The following RAD9B variants were observed in gnomAD, a reference collection of about 807,000 sequenced individuals.
The protein encoded by RAD9B is cell cycle checkpoint control protein RAD9B.
RAD9B carries 41 observed loss-of-function variants against 48.3 expected under a neutral mutation model. That is an observed-to-expected ratio of 0.85 (90% CI 0.66 to 1.10). The LOEUF (loss-of-function observed/expected upper bound fraction) is 1.10, where lower values mean the gene tolerates loss of function less well. Ranked by LOEUF, RAD9B falls within the 50% of genes least tolerant of loss-of-function variation. RAD9B has a pLI of 0.00. For missense variants in RAD9B, 444 were observed against 485.1 expected (o/e 0.92, Z 0.80); for synonymous variants, 160 against 157.9 (o/e 1.01, Z -0.10).
intron 10 of RAD9B, among the ~76,000 whole-genome samples, chr12:110,530,251 TAGTC>T (rs1344228784): frequency 1.3e-5 from 2 of 152,138 alleles, no homozygotes; most frequent in African/African-American, 4.8e-5. Context: ...TTCACCATGT[TAGTC>T]AGGATGGTCT....
At chr12:110,512,298 A>C (rs1449139050) in intron 4 of RAD9B, among the ~76,000 whole-genome samples, 13 of 151,906 alleles carry the variant, frequency 8.6e-5, no homozygotes. Flanking sequence ...ACAGGCATGC[A>C]CCACCATGCC....
At position 110,530,630 on chromosome 12, in the gene RAD9B, A is replaced by G. The variant is rs1183580234; in HGVS notation, c.1231A>G (p.Asn411Asp). The G allele has an allele frequency of 6.2e-7, 1 of 1,613,956 alleles. No individual in the cohort carries two copies. The highest frequency in any genetic ancestry group is 1.7e-5 in the Admixed American group (1 of 60,026). Reference sequence around the variant, plus strand: ...AAGTGACAGTGAAGAGGACATGAATAATGGCAGTTTCTCTATATTCTAATG... The same window carrying G: ...AAGTGACAGTGAAGAGGACATGAATGATGGCAGTTTCTCTATATTCTAATG... The part of the protein sequence containing the change: ...RASDSEEDMN[N>D]GSFSIF The change falls in exon 11 of 11, where the codon AAT (asparagine) becomes GAT (aspartate). Residue 411 changes from asparagine (N) to aspartate (D), a missense_variant. Physicochemically the swap from Asn to Asp is conservative, Grantham distance 23. Transcript: ENST00000409300.
chr12:110,524,430 C>T (rs968555620), intron 10 of RAD9B, among the ~76,000 whole-genome samples: 3 of 151,878 alleles, frequency 2.0e-5, no homozygotes, highest in Admixed American at 6.6e-5. Flanking sequence ...GGCATGGTGG[C>T]GGGCGCCTGT....
In RAD9B at chr12:110,512,998, C is replaced by CTG. The variant is rs1208266147; in HGVS notation, c.488+124_488+125dup. 7 of 594,324 alleles carry CTG rather than the reference C, an allele frequency of 1.2e-5. No individual in the cohort carries two copies. In the African/African-American group the frequency reaches 1.4e-4, roughly 12 times the overall value. The allele number at this position is 594,324 out of a possible 1,614,324, so 36.8% of individuals were successfully genotyped here. ...TTTTTTTTTTTTATATGGAGTCTCG[C>CTG]TGTGTCGCCCAGGCTGGAGTGCAGT... On this transcript the variant is annotated intron_variant, in intron 5 of 10. Transcript: ENST00000409300.
intron 6 of RAD9B, 70 bp downstream of exon 6, chr12:110,515,226 G>T (rs2063572568): frequency 1.3e-6 from 1 of 753,302 alleles, no homozygotes. Context: ...TAACCATACT[G>T]CAAATATTAG....
intron 10 of RAD9B, among the ~76,000 whole-genome samples, chr12:110,525,890 C>T (rs1236767615): frequency 6.6e-6 from 1 of 152,184 alleles, no homozygotes; most frequent in Non-Finnish European, 1.5e-5. Flanking sequence ...CAGGGTTTCA[C>T]CATCTTGGCC....
chr12:110,523,741 C>A (rs1189729023), intron 10 of RAD9B, among the ~76,000 whole-genome samples: 4 of 152,154 alleles, frequency 2.6e-5, no homozygotes, highest in Non-Finnish European at 5.9e-5. Context: ...CTAAGATTGC[C>A]AGTTTCTTTG....
chr12:110,505,498 C>T, intron 2 of RAD9B, 119 bp from the exon 3 acceptor site: 1 of 769,978 alleles, frequency 1.3e-6, no homozygotes, highest in Non-Finnish European at 1.9e-6. Context: ...CCAGGCTGGT[C>T]TCAGACTCCT....
At chr12:110,513,159 G>C (rs112181803) in intron 5 of RAD9B, among the ~76,000 whole-genome samples, 1 of 151,798 alleles carries the variant, frequency 6.6e-6, no homozygotes, top group African/African-American at 2.4e-5. Context: ...ATAGAGACGG[G>C]GGGTTTTACC....
At position 110,530,626 on chromosome 12, in the gene RAD9B, G is replaced by A; in HGVS notation, c.1227G>A (p.Met409Ile). The A allele has an allele frequency of 6.2e-7, 1 of 1,613,962 alleles. No individual in the cohort carries two copies. The highest frequency in any genetic ancestry group is 8.5e-7 in the Non-Finnish European group (1 of 1,179,860). Residue 409 changes from methionine to isoleucine, a missense_variant, in exon 11 of 11, where the codon ATG becomes ATA. By Grantham distance (10) the Met-to-Ile change is conservative (BLOSUM62 1). Transcript: ENST00000409300. ...GAGCAAGTGACAGTGAAGAGGACATGAATAATGGCAGTTTCTCTATATTCT... is the reference window on the plus strand; with the variant it reads ...GAGCAAGTGACAGTGAAGAGGACATAAATAATGGCAGTTTCTCTATATTCT... ...LARASDSEED[M>I]NNGSFSIF
At chr12:110,520,514 T>TA (rs1355307802) in intron 9 of RAD9B, among the ~76,000 whole-genome samples, 2 of 151,246 alleles carry the variant, frequency 1.3e-5, no homozygotes, top group Non-Finnish European at 3.0e-5. Context: ...ATCGGGCCTT[T>TA]AGTTTTTTTT....
At chr12:110,521,905 A>C (rs1354414508) in intron 9 of RAD9B, among the ~76,000 whole-genome samples, 1 of 152,120 alleles carries the variant, frequency 6.6e-6, no homozygotes, top group Non-Finnish European at 1.5e-5. Context: ...ATAGATGTAT[A>C]GTAATTTACT....
Position 110,503,895 on chromosome 12 carries a change from A to G in RAD9B, c.117+19A>G. On this transcript the variant is annotated intron_variant, in intron 2 of 10. Transcript: ENST00000409300. ...AAAAGGTGTAAGTAAGAAAGTTAACAGATCACGTATCAAGGCAAGAGGAGA... is the reference window on the plus strand; with the variant it reads ...AAAAGGTGTAAGTAAGAAAGTTAACGGATCACGTATCAAGGCAAGAGGAGA... The G allele has an allele frequency of 6.8e-7, 1 of 1,477,224 alleles. No homozygotes were observed. The allele number at this position is 1,477,224 out of a possible 1,614,324, so 91.5% of individuals were successfully genotyped here. A position where few individuals can be genotyped will look rare whatever the true frequency, so the allele number is the denominator to read the frequency against.
At position 110,518,462 on chromosome 12, in the gene RAD9B, G is replaced by C. The variant is rs118133706; in HGVS notation, c.596-214G>C. Among the ~76,000 whole-genome samples, 789 of 152,334 alleles carry C rather than the reference G, an allele frequency of 5.2e-3. 4 individuals carry two copies. Among genetic ancestry groups the C allele is most frequent in the Non-Finnish European group, 8.1e-3 (551 of 68,028 alleles). On this transcript the variant is annotated intron_variant, in intron 6 of 10. Coordinates refer to ENST00000409300, the MANE Select transcript of RAD9B (RefSeq NM_001286535.2). ...TATGTGAAATGGACTTATAGACCCT[G>C]AATCATTGGGTAGTTTAAGAGAAAT...
chr12:110,531,694 A>ATATT lies in RAD9B; in HGVS notation c.*1042_*1043insATTT. 6.6e-7 allele frequency: 1 copy of ATATT among 1,507,886 alleles called. No individual in the cohort carries two copies. The highest frequency in any genetic ancestry group is 9.1e-7 in the Non-Finnish European group (1 of 1,100,362). 93.4% of individuals were successfully genotyped at this position (1,507,886 alleles called of 1,614,324 possible). A position where few individuals can be genotyped will look rare whatever the true frequency, so the allele number is the denominator to read the frequency against. On this transcript the variant is annotated 3_prime_UTR_variant, in exon 11 of 11. Transcript: ENST00000409300. ...TGGAGTGGAATAAGGTGGAAGACAAATGTCTCTGTTCTTTGGCCCTTTAAG... is the reference window on the plus strand; with the variant it reads ...TGGAGTGGAATAAGGTGGAAGACAAATATTTGTCTCTGTTCTTTGGCCCTTTAAG...
chr12:110,517,576 A>G (rs1340699049), intron 6 of RAD9B, among the ~76,000 whole-genome samples: 1 of 151,930 alleles, frequency 6.6e-6, no homozygotes, highest in East Asian at 1.9e-4. Context: ...CTGAGTCGAG[A>G]TCACACCACT....
At chr12:110,512,999 T>A (rs1041128301) in intron 5 of RAD9B, 121 bp downstream of exon 5, 1 of 595,302 alleles carries the variant, frequency 1.7e-6, no homozygotes, top group African/African-American at 1.9e-5. Context: ...GGAGTCTCGC[T>A]GTGTCGCCCA....
At chr12:110,525,368 C>T (rs1203312050) in intron 10 of RAD9B, among the ~76,000 whole-genome samples, 5 of 151,960 alleles carry the variant, frequency 3.3e-5, no homozygotes, top group Non-Finnish European at 2.9e-5. Flanking sequence ...TCAAGTGATC[C>T]GCCCTCCTTG....
At chr12:110,503,045 G>A (rs2063139539) in intron 1 of RAD9B, 1 of 152,678 alleles carries the variant, frequency 6.5e-6, no homozygotes, top group African/African-American at 2.4e-5. Flanking sequence ...GGGAGTTCGA[G>A]ACCACCCTGA....
Sources: gnomAD v4.1 joint callset for allele counts (sites outside exome capture counted in the v4.1 genomes callset) on GRCh38, gnomAD v4.1.1 for gene constraint, MANE v1.5 for transcripts, NCBI Gene and HGNC (gene_info 2026-07-23, HGNC 2026-07-21) for gene names.